NDST2: variants seen among roughly 807,000 people sequenced by gnomAD.
NDST2 encodes the protein N-deacetylase and N-sulfotransferase 2.
In NDST2, 32 loss-of-function variants were observed where a neutral mutation model predicts 86.9. The ratio of observed to expected loss-of-function variants is 0.37; its 90% CI spans 0.28 to 0.49. The LOEUF is 0.49. Among genes scored for constraint, NDST2 ranks in the 20% least tolerant of loss-of-function variants. NDST2 has a pLI of 0.97. For missense variants in NDST2, 950 were observed against 1,146.9 expected (o/e 0.83, Z 2.48); for synonymous variants, 409 against 437.0 (o/e 0.94, Z 0.80).
chr10:73,811,126 G>A (rs967506380), intron 1 of NDST2, among the ~76,000 whole-genome samples: 13 of 151,880 alleles, frequency 8.6e-5, no homozygotes, highest in Admixed American at 8.5e-4. Context: ...CGGGGCTGGC[G>A]GGTGGAGGGG....
At position 73,806,191 on chromosome 10, in the gene NDST2, T is replaced by G. The variant is rs529508698; in HGVS notation, c.1434+98A>C. 716 of 1,555,038 alleles carry G rather than the reference T, an allele frequency of 4.6e-4. No individual in the cohort carries two copies. Among genetic ancestry groups the G allele is most frequent in the Non-Finnish European group, 6.1e-4 (693 of 1,131,766 alleles). On this transcript the variant is annotated intron_variant, in intron 6 of 14. Coordinates refer to ENST00000309979, the MANE Select transcript of NDST2 (RefSeq NM_003635.4). This position sits in a 1 kb window ranked among gnomAD's most constrained non-coding sequence, Gnocchi z 4.5. ...TTCTACCCCCAATTATGTACCCCCA[T>G]ACTTGGACTGGCAGTTGATAGAGAA...
rs759254955 is a variant in NDST2 at position 73,802,659 on chromosome 10, C to T, written c.2526+15G>A. ...GGAAGTGGAGAGGGATTCCCCTGCCCCTGGCTTTACTTACCTCAGTGTCCA... is the reference window on the plus strand; with the variant it reads ...GGAAGTGGAGAGGGATTCCCCTGCCTCTGGCTTTACTTACCTCAGTGTCCA... On this transcript the variant is annotated intron_variant, in intron 14 of 14. Coordinates refer to ENST00000309979, the MANE Select transcript of NDST2 (RefSeq NM_003635.4). 1 of 1,614,056 alleles carries T rather than the reference C, an allele frequency of 6.2e-7. No homozygotes were observed. The highest frequency in any genetic ancestry group is 1.7e-5 in the Admixed American group (1 of 60,016).
rs950413036 is a variant in NDST2, at chr10:73,810,882, C to A, written c.-425G>T. The A allele has an allele frequency of 2.3e-5, 9 of 399,038 alleles. No homozygotes were observed. Among genetic ancestry groups the A allele is most frequent in the Middle Eastern group, 6.2e-4 (1 of 1,610 alleles). 24.7% of individuals were successfully genotyped at this position (399,038 alleles called of 1,614,324 possible). A position where few individuals can be genotyped will look rare whatever the true frequency, so the allele number is the denominator to read the frequency against. On this transcript the variant is annotated 5_prime_UTR_variant, in exon 2 of 15. Transcript: ENST00000309979. The stretch of plus-strand genomic sequence containing the variant: ...TCAAGCTCCAGAGCCGCGTTCTTAG[C>A]CGCTGCATTTTAGCTTCATACCTGG...
chr10:73,804,735 TA>T, intron 9 of NDST2, 37 bp downstream of exon 9: 3 of 1,326,526 alleles, frequency 2.3e-6, no homozygotes, highest in Non-Finnish European at 3.2e-6. Context: ...CCTTTGGGTT[TA>T]AGGCAGGGCA....
chr10:73,803,981 G>A lies in NDST2; in HGVS notation c.1879C>T (p.Pro627Ser). ...TAIHFFLSLHPAVTSSFPSPS... is the reference protein window; with the variant it reads ...TAIHFFLSLHSAVTSSFPSPS... ...CTAGGGAAGCTGCTAGTTACAGCTG[G>A]GTGCAGGCTCAGGAAGAAGTGAATA... The change falls in exon 10 of 15, where the codon CCA becomes TCA. Residue 627 changes from proline (P) to serine (S), a missense_variant. Pro to Ser is a moderately conservative substitution (Grantham distance 74). Transcript: ENST00000309979. 1 of 1,614,150 alleles carries A rather than the reference G, an allele frequency of 6.2e-7. No individual in the cohort carries two copies. The highest frequency in any genetic ancestry group is 1.3e-5 in the African/African-American group (1 of 75,036).
rs1310457149 is a variant in NDST2 at position 73,807,806 on chromosome 10, A to G, written c.583T>C (p.Leu195=). The change falls in exon 3 of 15, where the codon TTG becomes CTG. Residue 195 remains leucine, a synonymous_variant. Transcript: ENST00000309979. ...TTCACTTGGTAGTCCCGGAGCCCCA[A>G]GTTTGAGTGTAAAAAAAGGGGAAAG... ...KGFPLFLHSN[L]GLRDYQVNPS... is the part of the protein sequence containing the mutation. 2 of 1,614,052 alleles carry G rather than the reference A, an allele frequency of 1.2e-6. No homozygotes were observed. Among genetic ancestry groups the G allele is most frequent in the African/African-American group, 1.3e-5 (1 of 74,926 alleles).
intron 1 of NDST2, 32 bp from the exon 2 acceptor site, chr10:73,810,935 C>A: frequency 2.5e-6 from 1 of 398,906 alleles, no homozygotes; most frequent in Non-Finnish European, 4.4e-6. Flanking sequence ...AGGGAAGGGG[C>A]GCCGGGAGCG....
chr10:73,810,972 G>A (rs1252225409), intron 1 of NDST2, 69 bp from the exon 2 acceptor site: 6 of 398,158 alleles, frequency 1.5e-5, no homozygotes, highest in Non-Finnish European at 2.2e-5. Flanking sequence ...TGAACACTGA[G>A]GGCCAGCAGG....
rs2084132151 is a variant in NDST2, at chr10:73,807,840, C to G, written c.549G>C (p.Gln183His). ...GTAAAAAAAGGGGAAAGCCCTTGAG[C>G]TGGGCGCTCAGTAGGCTGTGCTCGT... ...RAHEHSLLSA[Q>H]LKGFPLFLHS... The change falls in exon 3 of 15, where the codon CAG becomes CAC. Residue 183 changes from glutamine to histidine, a missense_variant. Physicochemically the swap from Gln to His is conservative, Grantham distance 24. Coordinates refer to ENST00000309979, the MANE Select transcript of NDST2 (RefSeq NM_003635.4). 1.2e-6 allele frequency: 2 copies of G among 1,614,078 alleles called. No individual in the cohort carries two copies.
At position 73,805,811 on chromosome 10, in the gene NDST2, C is replaced by T. The variant is rs201540368; in HGVS notation, c.1564-42G>A. On this transcript the variant is annotated intron_variant, in intron 7 of 14. Transcript: ENST00000309979. ...CATGTCAGATTTGGAGAGCCTACCC[C>T]ACCTCTGAATTAGCCTTGGTGAATA... The T allele has an allele frequency of 1.9e-5, 31 of 1,613,286 alleles. 1 individual carries two copies. The East Asian group carries it at 2.5e-4, about 13-fold the overall frequency.
In NDST2 at chr10:73,808,793, C is replaced by A; in HGVS notation, c.-341-64G>T. 5.7e-6 allele frequency: 1 copy of A among 174,808 alleles called. No homozygotes were observed. The highest frequency in any genetic ancestry group is 1.2e-5 in the Non-Finnish European group (1 of 81,278). The allele number at this position is 174,808 out of a possible 1,614,324, so 10.8% of individuals were successfully genotyped here. A position where few individuals can be genotyped will look rare whatever the true frequency, so the allele number is the denominator to read the frequency against. On this transcript the variant is annotated intron_variant, in intron 2 of 14. Transcript: ENST00000309979. This position sits in a 1 kb window ranked among gnomAD's most constrained non-coding sequence, Gnocchi z 4.3. ...GAAATTGTCATTAATCCATTCTCCTCCCCATCCCATCTCTCTTACCTCCTG... is the reference window on the plus strand; with the variant it reads ...GAAATTGTCATTAATCCATTCTCCTACCCATCCCATCTCTCTTACCTCCTG...
In NDST2 at chr10:73,807,598, G is replaced by A; in HGVS notation, c.791C>T (p.Thr264Ile). Residue 264 changes from threonine to isoleucine, a missense_variant, in exon 3 of 15, where the codon ACT (threonine) becomes ATT (isoleucine). Physicochemically the swap from Thr to Ile is moderately conservative, Grantham distance 89. Coordinates refer to ENST00000309979, the MANE Select transcript of NDST2 (RefSeq NM_003635.4). Reference sequence around the variant, plus strand: ...ATGAAGCCCCAGGTCCTGTACCACAGTGGGAAGCCGGGCCCGACGAAGAAC... The same window carrying A: ...ATGAAGCCCCAGGTCCTGTACCACAATGGGAAGCCGGGCCCGACGAAGAAC... ...GPVLRRARLP[T>I]VVQDLGLHDG... 1.2e-6 allele frequency: 2 copies of A among 1,614,260 alleles called. No individual in the cohort carries two copies. The highest frequency in any genetic ancestry group is 1.7e-6 in the Non-Finnish European group (2 of 1,180,054).
intron 8 of NDST2, 54 bp from the exon 9 acceptor site, chr10:73,804,923 C>T (rs2084072326): frequency 1.3e-5 from 13 of 1,010,846 alleles, no homozygotes; most frequent in Admixed American, 8.7e-5. Flanking sequence ...TTTTTTGAGA[C>T]GGAGTTTCGT....
Position 73,810,839 on chromosome 10 carries a change from G to T in NDST2, c.-382C>A, listed in dbSNP as rs2084196069. On this transcript the variant is annotated 5_prime_UTR_variant, in exon 2 of 15. Transcript: ENST00000309979. ...ACAGCTCAGTTGGTGGGAGGGCTGG[G>T]ATTCGACGTCAGGCCTGTCAAGCTC... is the stretch of plus-strand genomic sequence containing the variant. The T allele has an allele frequency of 2.5e-6, 1 of 399,036 alleles. No homozygotes were observed. The highest frequency in any genetic ancestry group is 4.4e-5 in the Admixed American group (1 of 22,726). 24.7% of individuals were successfully genotyped at this position (399,036 alleles called of 1,614,324 possible).
In NDST2 at chr10:73,810,781, CT is replaced by C; in HGVS notation, c.-342+17del. Reference sequence around the variant, plus strand: ...TTATCCCCATTTCACATATGAGTAACTCAGAGAAGCTTAGAACCTTGCCCAG... The same window carrying C: ...TTATCCCCATTTCACATATGAGTAACCAGAGAAGCTTAGAACCTTGCCCAG... On this transcript the variant is annotated intron_variant, in intron 2 of 14. Transcript: ENST00000309979. The C allele has an allele frequency of 2.5e-6, 1 of 399,008 alleles. No homozygotes were observed. The highest frequency in any genetic ancestry group is 4.4e-6 in the Non-Finnish European group (1 of 226,044). 24.7% of individuals were successfully genotyped at this position (399,008 alleles called of 1,614,324 possible).
At chr10:73,803,455 C>T (rs917674013) in intron 11 of NDST2, 96 bp from the exon 12 acceptor site, 43 of 1,547,012 alleles carry the variant, frequency 2.8e-5, no homozygotes, top group Non-Finnish European at 3.5e-5. Flanking sequence ...CACGGGTACC[C>T]GTCCCCAAGG....
At position 73,805,687 on chromosome 10, in the gene NDST2, A is replaced by T; in HGVS notation, c.1646T>A (p.Leu549His). 3.7e-6 allele frequency: 6 copies of T among 1,614,194 alleles called. No homozygotes were observed. The highest frequency in any genetic ancestry group is 5.1e-6 in the Non-Finnish European group (6 of 1,180,038). The change falls in exon 8 of 15, where the codon CTC becomes CAC. Residue 549 changes from leucine (L) to histidine (H), a missense_variant. Coordinates refer to ENST00000309979, the MANE Select transcript of NDST2 (RefSeq NM_003635.4). ...LYTFESLVRF[L>H]QCWTRLRLQT... ...TAGGCGCAGCCGTGTCCAACACTGG[A>T]GGAAGCGCACCAAGCTCTCAAAGGT...
chr10:73,806,036 G>C lies in NDST2; in HGVS notation c.1435-8C>G. On this transcript the variant is annotated splice_polypyrimidine_tract_variant and splice_region_variant and intron_variant, in intron 6 of 14. Coordinates refer to ENST00000309979, the MANE Select transcript of NDST2 (RefSeq NM_003635.4). This position sits in a 1 kb window ranked among gnomAD's most constrained non-coding sequence, Gnocchi z 4.5. ...TGTCTGCCGGGGCAGCACCTGGAGGGAAAAGAAAAAACAGATGAGATTTGA... is the reference window on the plus strand; with the variant it reads ...TGTCTGCCGGGGCAGCACCTGGAGGCAAAAGAAAAAACAGATGAGATTTGA... 3.7e-6 allele frequency: 6 copies of C among 1,608,002 alleles called. No homozygotes were observed. The highest frequency in any genetic ancestry group is 4.2e-6 in the Non-Finnish European group (5 of 1,178,338).
rs1469344070 is a variant in NDST2 at position 73,808,669 on chromosome 10, C to T, written c.-281G>A. ...GCTGCAAATCTTGCCAGGCTCTCCC[C>T]TTGGCCCTGGCTGAGCGCCTCACAT... is the stretch of plus-strand genomic sequence containing the variant. On this transcript the variant is annotated 5_prime_UTR_variant, in exon 3 of 15. Coordinates refer to ENST00000309979, the MANE Select transcript of NDST2 (RefSeq NM_003635.4). This position sits in a 1 kb window ranked among gnomAD's most constrained non-coding sequence, Gnocchi z 4.3. 5.1e-6 allele frequency: 2 copies of T among 392,274 alleles called. No individual in the cohort carries two copies. The highest frequency in any genetic ancestry group is 9.2e-6 in the Non-Finnish European group (2 of 217,934). 24.3% of individuals were successfully genotyped at this position (392,274 alleles called of 1,614,324 possible).
Sources: gnomAD v4.1 joint callset for allele counts (sites outside exome capture counted in the v4.1 genomes callset) on GRCh38, gnomAD v4.1.1 for gene constraint, Gnocchi (gnomAD v3.1) non-coding constraint, MANE v1.5 for transcripts, NCBI Gene and HGNC (gene_info 2026-07-23, HGNC 2026-07-21) for gene names.